Variants in MOSMO observed in about 807,000 individuals in gnomAD.
MOSMO encodes the protein modulator of smoothened protein.
Under a neutral mutation model 18.4 loss-of-function variants are expected in MOSMO, and 5 were observed. The ratio of observed to expected loss-of-function variants is 0.27; its 90% CI spans 0.14 to 0.57. MOSMO has a LOEUF of 0.57. Ranked by LOEUF, MOSMO falls within the 20% of genes least tolerant of loss-of-function variation. MOSMO has a pLI of 0.92. For missense variants in MOSMO, 138 were observed against 211.8 expected (o/e 0.65, Z 2.16); for synonymous variants, 82 against 82.3 (o/e 1.00, Z 0.02).
chr16:22,063,860 G>A (rs1900699760), intron 1 of MOSMO, among the ~76,000 whole-genome samples: 1 of 152,150 alleles, frequency 6.6e-6, no homozygotes, highest in Admixed American at 6.5e-5. Flanking sequence ...AAGTCTGAAT[G>A]TTCCTGGAGG....
At chr16:22,037,005 G>A (rs1900122220) in intron 1 of MOSMO, among the ~76,000 whole-genome samples, 2 of 152,248 alleles carry the variant, frequency 1.3e-5, no homozygotes, top group South Asian at 4.1e-4. Flanking sequence ...GCTATTGTAG[G>A]AATATTTTCC....
intron 1 of MOSMO, among the ~76,000 whole-genome samples, chr16:22,015,614 G>A (rs746171332): frequency 6.6e-6 from 1 of 151,968 alleles, no homozygotes; most frequent in African/African-American, 2.4e-5. Context: ...TTCAAAAACC[G>A]GTCTTTTTAC....
At chr16:22,024,520 C>T (rs925628666) in intron 1 of MOSMO, among the ~76,000 whole-genome samples, 4 of 151,860 alleles carry the variant, frequency 2.6e-5, no homozygotes, top group Admixed American at 6.6e-5. Context: ...GCTTATGCCA[C>T]CACACCCAGC....
At chr16:22,047,805 G>A (rs1198544849) in intron 1 of MOSMO, among the ~76,000 whole-genome samples, 2 of 152,192 alleles carry the variant, frequency 1.3e-5, no homozygotes, top group African/African-American at 4.8e-5. Context: ...CTGAGTACCT[G>A]TGAAAGATAG....
intron 1 of MOSMO, among the ~76,000 whole-genome samples, chr16:22,030,525 C>T (rs1276225781): frequency 6.6e-6 from 1 of 152,152 alleles, no homozygotes; most frequent in Non-Finnish European, 1.5e-5. Context: ...GTTTGGGACT[C>T]ATTTTTAACT....
At chr16:22,048,961 C>A (rs1296087803) in intron 1 of MOSMO, among the ~76,000 whole-genome samples, 1 of 152,050 alleles carries the variant, frequency 6.6e-6, no homozygotes, top group Non-Finnish European at 1.5e-5. Flanking sequence ...CCCTTTTTCT[C>A]CCCTGATATT....
chr16:22,016,211 G>T (rs1455868227), intron 1 of MOSMO, among the ~76,000 whole-genome samples: 1 of 152,042 alleles, frequency 6.6e-6, no homozygotes, highest in Non-Finnish European at 1.5e-5. Flanking sequence ...ATGATTTGGG[G>T]CATGTAATTT....
At chr16:22,045,485 G>T (rs1208997618) in intron 1 of MOSMO, among the ~76,000 whole-genome samples, 1 of 152,036 alleles carries the variant, frequency 6.6e-6, no homozygotes, top group Non-Finnish European at 1.5e-5. Flanking sequence ...AAATGATTAG[G>T]TATTAGATCC....
rs1411587978 is a variant in MOSMO, at chr16:22,083,775, T to C, written c.*2895T>C. 2.3e-6 allele frequency: 1 copy of C among 428,198 alleles called. No individual in the cohort carries two copies. Among genetic ancestry groups the C allele is most frequent in the Non-Finnish European group, 4.6e-6 (1 of 218,384 alleles). 26.5% of individuals were successfully genotyped at this position (428,198 alleles called of 1,614,324 possible). ...ACAAGACTGAATTAGTTTGACATTTTTGGAAGCTCCTATTGAACATACCCA... is the reference window on the plus strand; with the variant it reads ...ACAAGACTGAATTAGTTTGACATTTCTGGAAGCTCCTATTGAACATACCCA... On this transcript the variant is annotated 3_prime_UTR_variant, in exon 3 of 3. Coordinates refer to ENST00000542527, the MANE Select transcript of MOSMO (RefSeq NM_001164579.2).
At chr16:22,091,782 A>C (rs2141805843), downstream of MOSMO, among the ~76,000 whole-genome samples, 2 of 152,300 alleles carry the variant, frequency 1.3e-5, no homozygotes, top group East Asian at 3.9e-4. Flanking sequence ...GATATGAAAA[A>C]CTAAGTACAG....
At chr16:22,057,865 A>C (rs982273980) in intron 1 of MOSMO, among the ~76,000 whole-genome samples, 1 of 152,200 alleles carries the variant, frequency 6.6e-6, no homozygotes, top group Non-Finnish European at 1.5e-5. Context: ...TGAGCAGGGA[A>C]TAGTTCTGCC....
chr16:22,051,274 G>A (rs547834155), intron 1 of MOSMO, among the ~76,000 whole-genome samples: 2 of 152,028 alleles, frequency 1.3e-5, no homozygotes, highest in South Asian at 4.2e-4. Context: ...TGTAATCCCA[G>A]CTATTCAGGA....
intron 2 of MOSMO, among the ~76,000 whole-genome samples, chr16:22,078,601 A>G (rs1251796405): frequency 6.6e-6 from 1 of 152,220 alleles, no homozygotes; most frequent in African/African-American, 2.4e-5. Context: ...ATAATGAACA[A>G]ATTTAACATC....
At chr16:22,078,856 A>G (rs538015350) in intron 2 of MOSMO, among the ~76,000 whole-genome samples, 58 of 152,208 alleles carry the variant, frequency 3.8e-4, no homozygotes, top group Non-Finnish European at 6.8e-4. Flanking sequence ...GTTGCTGACT[A>G]TGCAACAAAA....
chr16:22,022,831 G>A (rs1225869647), intron 1 of MOSMO, among the ~76,000 whole-genome samples: 2 of 152,128 alleles, frequency 1.3e-5, no homozygotes, highest in African/African-American at 4.8e-5. Flanking sequence ...ACCCTCACCA[G>A]AACCGGACCT....
At chr16:22,071,763 T>C (rs150742994) in intron 1 of MOSMO, among the ~76,000 whole-genome samples, 3 of 152,240 alleles carry the variant, frequency 2.0e-5, no homozygotes, top group Admixed American at 6.5e-5. Context: ...AGCTGCAGGG[T>C]ACAGATGGAT....
chr16:22,050,408 T>G (rs1218949479), intron 1 of MOSMO, among the ~76,000 whole-genome samples: 2 of 152,210 alleles, frequency 1.3e-5, no homozygotes, highest in African/African-American at 4.8e-5. Flanking sequence ...GCAGAGATTC[T>G]CAACTAGGGA....
intron 1 of MOSMO, among the ~76,000 whole-genome samples, chr16:22,045,983 C>T (rs772287469): frequency 4.1e-4 from 62 of 151,206 alleles, no homozygotes; most frequent in Admixed American, 1.9e-3. Context: ...CCCAGTAACT[C>T]GTCATTTAAC....
intron 1 of MOSMO, among the ~76,000 whole-genome samples, chr16:22,061,703 G>A (rs545993983): frequency 6.6e-6 from 1 of 152,210 alleles, no homozygotes; most frequent in Non-Finnish European, 1.5e-5. Flanking sequence ...ATAGCTCATG[G>A]TGTGGTGCTA....
Sources: allele counts gnomAD v4.1 joint callset (sites outside exome capture counted in the v4.1 genomes callset), GRCh38; gene constraint gnomAD v4.1.1; transcripts MANE v1.5; gene names NCBI Gene and HGNC (gene_info 2026-07-23, HGNC 2026-07-21).